MCTP1: variants seen among roughly 807,000 people sequenced by gnomAD.
MCTP1 encodes multiple C2 and transmembrane domain containing 1.
A neutral mutation model predicts 120.6 loss-of-function variants in MCTP1; 69 were observed. The ratio of observed to expected loss-of-function variants is 0.57; its 90% CI spans 0.47 to 0.70. The LOEUF (loss-of-function observed/expected upper bound fraction) is 0.70. Ranked by LOEUF, MCTP1 falls within the 30% of genes least tolerant of loss-of-function variation. The pLI is 0.00. For synonymous variants in MCTP1, 529 were observed against 493.1 expected, an observed-to-expected ratio of 1.07 and a Z score of -0.96; for missense variants, 1,203 against 1,248.8, an observed-to-expected ratio of 0.96 and a Z score of 0.55.
intron 20 of MCTP1, 36 bp from the exon 21 acceptor site, chr5:94,710,963 CTT>C: frequency 7.2e-7 from 1 of 1,380,962 alleles, no homozygotes; most frequent in Admixed American, 1.8e-5. Flanking sequence ...AATCTGAGTA[CTT>C]CATACTTTTT....
intron 1 of MCTP1, among the ~76,000 whole-genome samples, chr5:95,222,189 A>G (rs1467483605): frequency 6.6e-6 from 1 of 152,136 alleles, no homozygotes; most frequent in African/African-American, 2.4e-5. Context: ...CGCAGCTTCC[A>G]CCTAGCAGTC....
chr5:95,253,606 A>G (rs867238312), intron 1 of MCTP1, among the ~76,000 whole-genome samples: 40 of 152,218 alleles, frequency 2.6e-4, no homozygotes, highest in Admixed American at 5.9e-4. Flanking sequence ...AGAGACCCAA[A>G]TTGACTTACA....
intron 17 of MCTP1, among the ~76,000 whole-genome samples, chr5:94,836,771 C>G (rs1384782660): frequency 1.3e-5 from 2 of 152,092 alleles, no homozygotes; most frequent in African/African-American, 4.8e-5. Context: ...TTTTCTTAGA[C>G]AAAAGGGCAA....
chr5:94,779,220 G>A, intron 18 of MCTP1, 57 bp from the exon 19 acceptor site: 2 of 1,446,086 alleles, frequency 1.4e-6, no homozygotes, highest in Admixed American at 3.4e-5. Context: ...ATTTTGTTCT[G>A]TCATTTTGAA....
At chr5:94,800,670 T>A (rs1400476596) in intron 17 of MCTP1, among the ~76,000 whole-genome samples, 1 of 152,184 alleles carries the variant, frequency 6.6e-6, no homozygotes, top group Non-Finnish European at 1.5e-5. Flanking sequence ...TAAAATGACT[T>A]CATGACATTA....
At chr5:95,030,931 A>T (rs142487987) in intron 1 of MCTP1, among the ~76,000 whole-genome samples, 176 of 152,230 alleles carry the variant, frequency 1.2e-3, no homozygotes, top group African/African-American at 4.1e-3. Context: ...AAAACAATTC[A>T]GGATATGAAA....
intron 1 of MCTP1, among the ~76,000 whole-genome samples, chr5:95,272,386 G>C (rs1342829515): frequency 1.3e-5 from 2 of 152,188 alleles, no homozygotes; most frequent in African/African-American, 4.8e-5. Context: ...AGAGAAGGAA[G>C]AGCCAAGACC....
intron 1 of MCTP1, among the ~76,000 whole-genome samples, chr5:95,268,763 T>A (rs534743433): frequency 4.5e-4 from 69 of 152,364 alleles, no homozygotes; most frequent in African/African-American, 1.4e-3. Flanking sequence ...TGTCATTTAA[T>A]CTGTCCTAAA....
At chr5:95,056,083 A>G (rs1209020485) in intron 1 of MCTP1, among the ~76,000 whole-genome samples, 2 of 152,220 alleles carry the variant, frequency 1.3e-5, no homozygotes, top group African/African-American at 4.8e-5. Context: ...AAAATATAAA[A>G]GTATTATGCA....
chr5:94,962,876 G>T (rs1381199802), intron 2 of MCTP1, among the ~76,000 whole-genome samples: 1 of 151,912 alleles, frequency 6.6e-6, no homozygotes, highest in East Asian at 1.9e-4. Context: ...AAATAAAAAA[G>T]AAATAGATAC....
intron 1 of MCTP1, among the ~76,000 whole-genome samples, chr5:95,279,026 T>C (rs1240416575): frequency 2.0e-5 from 3 of 151,888 alleles, no homozygotes; most frequent in Non-Finnish European, 1.5e-5. Flanking sequence ...ATATTATAAA[T>C]AGATATAGAC....
rs377659390 is a variant in MCTP1, at chr5:95,283,869, T to C, written c.707A>G (p.His236Arg). 576 of 1,373,762 alleles carry C rather than the reference T, an allele frequency of 4.2e-4. 7 individuals are homozygous for C. In the African/African-American group the frequency reaches 8.4e-3, roughly 20 times the overall value. 85.1% of individuals were successfully genotyped at this position (1,373,762 alleles called of 1,614,324 possible). ...ESRAPETGEE[H>R]GSSQKIINTA... is the part of the protein sequence containing the mutation. ...ACCGGCACTCACCTGGCTGCTGCCGTGCTCCTCGCCCGTCTCCGGGGCCCG... is the reference window on the plus strand; with the variant it reads ...ACCGGCACTCACCTGGCTGCTGCCGCGCTCCTCGCCCGTCTCCGGGGCCCG... Residue 236 changes from histidine to arginine, a missense_variant, in exon 1 of 23, where the codon CAC (histidine) becomes CGC (arginine). Transcript: ENST00000515393.
chr5:95,177,647 T>C (rs531119845), intron 1 of MCTP1, among the ~76,000 whole-genome samples: 1 of 152,348 alleles, frequency 6.6e-6, no homozygotes, highest in East Asian at 1.9e-4. Flanking sequence ...AGTAACGTGA[T>C]TGGTCACTGA....
At chr5:94,716,754 G>GT (rs35567543) in intron 19 of MCTP1, among the ~76,000 whole-genome samples, 23,270 of 144,996 alleles carry the variant, frequency 0.16, 2,089 homozygotes, top group African/African-American at 0.26. Context: ...TATATAAAAA[G>GT]TTTTTTTTTT....
At chr5:94,860,786 C>T (rs915650753) in intron 17 of MCTP1, among the ~76,000 whole-genome samples, 2 of 151,394 alleles carry the variant, frequency 1.3e-5, no homozygotes, top group East Asian at 3.9e-4. Context: ...ATGTTTGTGG[C>T]CCTCTAAAGC....
chr5:94,811,390 T>C (rs1783379371), intron 17 of MCTP1, among the ~76,000 whole-genome samples: 1 of 152,206 alleles, frequency 6.6e-6, no homozygotes, highest in South Asian at 2.1e-4. Flanking sequence ...ACAGAAGTTA[T>C]CAGAGAACAC....
chr5:95,024,877 G>A (rs1838940021), intron 1 of MCTP1, among the ~76,000 whole-genome samples: 1 of 152,064 alleles, frequency 6.6e-6, no homozygotes, highest in Non-Finnish European at 1.5e-5. Flanking sequence ...TGAAAGATCT[G>A]TGTATTAAAA....
intron 1 of MCTP1, chr5:95,154,294 A>G (rs1744850127): frequency 6.6e-6 from 1 of 152,196 alleles, no homozygotes; most frequent in Non-Finnish European, 1.5e-5. Flanking sequence ...TAAGAGTAAT[A>G]CAATCAAAAG....
At chr5:95,179,135 A>G (rs1337011080) in intron 1 of MCTP1, among the ~76,000 whole-genome samples, 3 of 152,228 alleles carry the variant, frequency 2.0e-5, no homozygotes, top group African/African-American at 7.2e-5. Flanking sequence ...GACAAAGACA[A>G]AAAATATTTA....
Sources: gnomAD v4.1 joint callset for allele counts (sites outside exome capture counted in the v4.1 genomes callset) on GRCh38, gnomAD v4.1.1 for gene constraint, MANE v1.5 for transcripts, NCBI Gene and HGNC (gene_info 2026-07-23, HGNC 2026-07-21) for gene names.